IFT74: variants seen among roughly 807,000 people sequenced by gnomAD.
The protein encoded by IFT74 is intraflagellar transport protein 74 homolog.
A neutral mutation model predicts 96.7 loss-of-function variants in IFT74; 92 were observed. The ratio of observed to expected loss-of-function variants is 0.95; its 90% CI spans 0.80 to 1.13. IFT74 has a LOEUF of 1.13. Ranked by LOEUF, IFT74 falls within the 50% of genes most tolerant of loss-of-function variation. The pLI, the probability that IFT74 is intolerant of heterozygous loss-of-function variation, is 0.00. For missense variants in IFT74, 811 were observed against 698.2 expected, an observed-to-expected ratio of 1.16 and a Z score of -1.82; for synonymous variants, 223 against 213.2, an observed-to-expected ratio of 1.05 and a Z score of -0.40.
chr9:27,045,642 A>G (rs952985841), intron 14 of IFT74, among the ~76,000 whole-genome samples: 2 of 152,136 alleles, frequency 1.3e-5, no homozygotes, highest in Non-Finnish European at 2.9e-5. Context: ...ATTTTTTTAA[A>G]AAATTGGCAT....
chr9:26,956,965 C>T (rs1826136282), intron 1 of IFT74, among the ~76,000 whole-genome samples: 1 of 152,202 alleles, frequency 6.6e-6, no homozygotes, highest in Non-Finnish European at 1.5e-5. Flanking sequence ...TAATACTTAT[C>T]GTCTTCACAA....
chr9:26,975,902 C>T (rs1827095753), intron 2 of IFT74, among the ~76,000 whole-genome samples: 1 of 152,212 alleles, frequency 6.6e-6, no homozygotes, highest in Non-Finnish European at 1.5e-5. Flanking sequence ...TGGGAAATGG[C>T]AGGATCTGCC....
At chr9:27,016,038 A>T (rs1257341167) in intron 10 of IFT74, among the ~76,000 whole-genome samples, 1 of 152,064 alleles carries the variant, frequency 6.6e-6, no homozygotes, top group Non-Finnish European at 1.5e-5. Flanking sequence ...CTGTTATTTC[A>T]TGTGTTCATT....
chr9:26,975,154 G>T (rs929224087), intron 2 of IFT74, among the ~76,000 whole-genome samples: 8 of 152,162 alleles, frequency 5.3e-5, no homozygotes, highest in Non-Finnish European at 1.0e-4. Flanking sequence ...GCCTGAGGGG[G>T]AGGGTCAGGG....
intron 8 of IFT74, among the ~76,000 whole-genome samples, chr9:26,991,485 G>T (rs1827868339): frequency 6.6e-6 from 1 of 152,134 alleles, no homozygotes; most frequent in African/African-American, 2.4e-5. Context: ...CTCCTCAAGT[G>T]TTGGGATTAC....
At position 27,047,371 on chromosome 9, in the gene IFT74, A is replaced by C; in HGVS notation, c.1206A>C (p.Arg402=). 1.3e-6 allele frequency: 2 copies of C among 1,588,358 alleles called. No homozygotes were observed. The highest frequency in any genetic ancestry group is 1.7e-6 in the Non-Finnish European group (2 of 1,159,350). The change falls in exon 15 of 20, where the codon CGA becomes CGC. Residue 402 remains arginine, a splice_region_variant and synonymous_variant. Transcript: ENST00000380062. The stretch of plus-strand genomic sequence containing the variant: ...TTGCACTCTTGGAGCACTGCAGTCG[A>C]GTGAGTACCATGTGCCTGTCTTGGT... The part of the protein sequence containing the change: ...NIVALLEHCS[R]NINRIEQISS...
At chr9:27,007,110 T>C (rs1187970234) in intron 8 of IFT74, among the ~76,000 whole-genome samples, 1 of 152,130 alleles carries the variant, frequency 6.6e-6, no homozygotes, top group East Asian at 1.9e-4. Context: ...GTGCTGGGAT[T>C]ACAGGCATGA....
At chr9:26,947,264 C>G (rs1283484348) in intron 1 of IFT74, 2 of 550,262 alleles carry the variant, frequency 3.6e-6, no homozygotes, top group African/African-American at 4.0e-5. Context: ...CGGAATTCAT[C>G]ATCGGCCTCA....
intron 12 of IFT74, among the ~76,000 whole-genome samples, chr9:27,028,103 C>T (rs982560063): frequency 6.6e-6 from 1 of 152,134 alleles, no homozygotes; most frequent in Non-Finnish European, 1.5e-5. Flanking sequence ...AATCGGTTAG[C>T]TATAGATATA....
intron 13 of IFT74, among the ~76,000 whole-genome samples, chr9:27,037,076 C>T (rs149446207): frequency 1.4e-3 from 220 of 151,966 alleles, no homozygotes; most frequent in African/African-American, 5.1e-3. Context: ...AAAACTTAGC[C>T]GGTAGTGGTG....
chr9:26,974,060 C>A (rs1238940549), intron 2 of IFT74, among the ~76,000 whole-genome samples: 2 of 152,172 alleles, frequency 1.3e-5, no homozygotes, highest in African/African-American at 4.8e-5. Flanking sequence ...CTCCCCCACA[C>A]TCTTTAGAGG....
chr9:27,049,466 CTGTT>C (rs950575895), intron 16 of IFT74, among the ~76,000 whole-genome samples: 12 of 152,060 alleles, frequency 7.9e-5, no homozygotes, highest in African/African-American at 2.4e-4. Flanking sequence ...CTGTTAGAAA[CTGTT>C]TGTTTAAATC....
chr9:27,054,168 TA>T (rs1332781813), intron 16 of IFT74, among the ~76,000 whole-genome samples: 1 of 152,230 alleles, frequency 6.6e-6, no homozygotes, highest in Non-Finnish European at 1.5e-5. Context: ...CATTGTTTTT[TA>T]CTCTTCAAAT....
intron 2 of IFT74, 67 bp downstream of exon 2, chr9:26,962,154 C>A: frequency 6.6e-7 from 1 of 1,525,650 alleles, no homozygotes; most frequent in Non-Finnish European, 9.0e-7. Context: ...GTCCAGGAGA[C>A]TGGGGCTTCA....
chr9:27,016,689 C>T (rs957226223), intron 10 of IFT74, among the ~76,000 whole-genome samples: 1 of 152,160 alleles, frequency 6.6e-6, no homozygotes, highest in African/African-American at 2.4e-5. Flanking sequence ...AGGCTATCAA[C>T]TTCTTGTGAA....
intron 13 of IFT74, among the ~76,000 whole-genome samples, chr9:27,034,918 T>G (rs1394143113): frequency 3.3e-5 from 5 of 152,254 alleles, no homozygotes; most frequent in Non-Finnish European, 7.3e-5. Context: ...ACATGCTATT[T>G]ATGCTATTTA....
intron 7 of IFT74, among the ~76,000 whole-genome samples, chr9:26,989,069 A>C (rs1396391059): frequency 6.6e-6 from 1 of 152,222 alleles, no homozygotes; most frequent in East Asian, 1.9e-4. Context: ...ATGAATACTC[A>C]ATGTGACAAA....
chr9:27,035,451 A>G (rs1392747604), intron 13 of IFT74, among the ~76,000 whole-genome samples: 3 of 152,212 alleles, frequency 2.0e-5, no homozygotes, highest in African/African-American at 7.2e-5. Context: ...TGGTGGTATT[A>G]CATCTACACC....
chr9:27,012,277 C>A (rs571579633), intron 10 of IFT74, among the ~76,000 whole-genome samples: 1 of 152,248 alleles, frequency 6.6e-6, no homozygotes, highest in South Asian at 2.1e-4. Context: ...GGCTAGAGTG[C>A]GGTGACATGA....
Sources: allele counts gnomAD v4.1 joint callset (sites outside exome capture counted in the v4.1 genomes callset), GRCh38; gene constraint gnomAD v4.1.1; transcripts MANE v1.5; gene names NCBI Gene and HGNC (gene_info 2026-07-23, HGNC 2026-07-21).